Variants in RAPGEF1 observed in about 807,000 individuals in gnomAD.
RAPGEF1 encodes Rap guanine nucleotide exchange factor 1.
RAPGEF1 carries 33 observed loss-of-function variants against 143.3 expected under a neutral mutation model. The ratio of observed to expected loss-of-function variants is 0.23; its 90% CI spans 0.17 to 0.31. RAPGEF1 has a LOEUF of 0.31. RAPGEF1 is among the 10% of genes least tolerant of loss of function. The pLI, the probability that RAPGEF1 is intolerant of heterozygous loss-of-function variation, is 1.00. For missense variants in RAPGEF1, 1,199 were observed against 1,645.4 expected, an observed-to-expected ratio of 0.73 and a Z score of 4.69; for synonymous variants, 629 against 676.5, an observed-to-expected ratio of 0.93 and a Z score of 1.09.
Position 131,629,244 on chromosome 9 carries a change from G to C in RAPGEF1, c.751C>G (p.Leu251Val), listed in dbSNP as rs200382304. The change falls in exon 7 of 27, where the codon CTC becomes GTC. Residue 251 changes from leucine to valine, a missense_variant. Coordinates refer to ENST00000683357, the MANE Select transcript of RAPGEF1 (RefSeq NM_001377935.1). Reference sequence around the variant, plus strand: ...TCTACCTCGCGGTCTGTCAGGGGGAGCTCTGCTGGGCTGGAGAATTGGGAA... The same window carrying C: ...TCTACCTCGCGGTCTGTCAGGGGGACCTCTGCTGGGCTGGAGAATTGGGAA... ...PASKPDGPAE[L>V]PLTDREVEIL... is the part of the protein sequence containing the mutation. The C allele has an allele frequency of 3.2e-4, 509 of 1,613,356 alleles. No individual in the cohort carries two copies. Among genetic ancestry groups the C allele is most frequent in the Non-Finnish European group, 3.8e-4 (444 of 1,179,542 alleles).
At chr9:131,684,032 C>T (rs532082974) in intron 1 of RAPGEF1, among the ~76,000 whole-genome samples, 2 of 152,390 alleles carry the variant, frequency 1.3e-5, no homozygotes, top group African/African-American at 4.8e-5. Context: ...ATGCTAGACA[C>T]TTTCACAATT....
chr9:131,698,297 A>G (rs1834344600), intron 1 of RAPGEF1, among the ~76,000 whole-genome samples: 1 of 152,168 alleles, frequency 6.6e-6, no homozygotes, highest in Non-Finnish European at 1.5e-5. Flanking sequence ...CACTTGCAGG[A>G]AGGGAAAATA....
chr9:131,691,956 C>A (rs1297783323), intron 1 of RAPGEF1, among the ~76,000 whole-genome samples: 1 of 152,136 alleles, frequency 6.6e-6, no homozygotes, highest in African/African-American at 2.4e-5. Context: ...TATGTTTTCT[C>A]CCTACCTAAT....
intron 10 of RAPGEF1, 43 bp downstream of exon 10, chr9:131,625,879 G>A: frequency 6.6e-7 from 1 of 1,510,754 alleles, no homozygotes; most frequent in Non-Finnish European, 8.9e-7. Flanking sequence ...GCCATTTCAG[G>A]TTATAAAATG....
Position 131,579,378 on chromosome 9 carries a change from A to G in RAPGEF1, c.*119T>C. The G allele has an allele frequency of 7.2e-7, 1 of 1,387,752 alleles. No homozygotes were observed. Among genetic ancestry groups the G allele is most frequent in the Non-Finnish European group, 9.8e-7 (1 of 1,020,434 alleles). The allele number at this position is 1,387,752 out of a possible 1,614,324, so 86.0% of individuals were successfully genotyped here. ...CGCCCGGCCCCGCTGAGGGCTGGCC[A>G]GCCTCATGGCTCCGAGGCCGGGACT... On this transcript the variant is annotated 3_prime_UTR_variant, in exon 27 of 27. Transcript: ENST00000683357.
Position 131,655,533 on chromosome 9 carries a change from ACTTC to A in RAPGEF1, c.62-4588_62-4585del, listed in dbSNP as rs1972216899. Among the ~76,000 whole-genome samples, 1 of 152,096 alleles carries A rather than the reference ACTTC, an allele frequency of 6.6e-6. No homozygotes were observed. The highest frequency in any genetic ancestry group is 1.5e-5 in the Non-Finnish European group (1 of 68,010). On this transcript the variant is annotated intron_variant, in intron 1 of 26. Transcript: ENST00000683357. The surrounding 1 kb of genome is among the most constrained non-coding windows in gnomAD (Gnocchi z 4.1). ...AGGGTGGATCCCATTTACAGTTTAT[ACTTC>A]CTTCTTTATACTTCAACATGGATGT...
intron 1 of RAPGEF1, among the ~76,000 whole-genome samples, chr9:131,719,553 C>CTTTTTTTTTTTT (rs34413859): frequency 2.8e-5 from 2 of 72,410 alleles, no homozygotes; most frequent in African/African-American, 6.2e-5. Context: ...CCCTTCAGGG[C>CTTTTTTTTTTTT]TTTTTTTTTT....
At chr9:131,649,465 C>T (rs1015579755) in intron 3 of RAPGEF1, among the ~76,000 whole-genome samples, 4 of 152,152 alleles carry the variant, frequency 2.6e-5, no homozygotes, top group Admixed American at 6.5e-5. Flanking sequence ...CAGACTCTGA[C>T]GTCAGACAGC....
chr9:131,590,081 C>G, intron 18 of RAPGEF1, 103 bp from the exon 19 acceptor site: 1 of 1,014,352 alleles, frequency 9.9e-7, no homozygotes, highest in Non-Finnish European at 1.5e-6. Flanking sequence ...ATGTGCCCAT[C>G]TTCCTGCATG....
chr9:131,645,910 T>C (rs1459406332), intron 3 of RAPGEF1, among the ~76,000 whole-genome samples: 1 of 152,142 alleles, frequency 6.6e-6, no homozygotes, highest in Non-Finnish European at 1.5e-5. Flanking sequence ...GAGAATAACA[T>C]CTGCCCCGTG....
chr9:131,677,978 AGCT>A (rs1329006452), intron 1 of RAPGEF1, among the ~76,000 whole-genome samples: 9 of 152,256 alleles, frequency 5.9e-5, no homozygotes, highest in South Asian at 4.1e-4. Context: ...CAGGTCAACA[AGCT>A]CTTGTCTGCA....
intron 14 of RAPGEF1, among the ~76,000 whole-genome samples, chr9:131,603,678 C>T (rs1007325416): frequency 6.6e-6 from 1 of 152,164 alleles, no homozygotes; most frequent in African/African-American, 2.4e-5. Flanking sequence ...AGCCGGGGCC[C>T]GTGCCACGCT....
rs139524716 is a variant in RAPGEF1, at chr9:131,674,240, C to T, written c.62-23291G>A. Among the ~76,000 whole-genome samples the T allele has an allele frequency of 3.4e-3, 512 of 152,210 alleles. 1 individual carries two copies. Among genetic ancestry groups the T allele is most frequent in the African/African-American group, 0.012 (499 of 41,524 alleles). On this transcript the variant is annotated intron_variant, in intron 1 of 26. Transcript: ENST00000683357. ...TTTCATCAAAACAAAAATATTAGCA[C>T]AGAACTATGTGTCCTGAAGCTTGTT...
chr9:131,663,701 T>C (rs1829968178), intron 1 of RAPGEF1, among the ~76,000 whole-genome samples: 1 of 152,238 alleles, frequency 6.6e-6, no homozygotes, highest in South Asian at 2.1e-4. Flanking sequence ...CTGGGTGGTA[T>C]GTGCTTTCTA....
intron 1 of RAPGEF1, among the ~76,000 whole-genome samples, chr9:131,735,237 G>T (rs1285365548): frequency 6.6e-6 from 1 of 152,172 alleles, no homozygotes; most frequent in Non-Finnish European, 1.5e-5. Flanking sequence ...GACTGAAACT[G>T]ACACATGCAG....
At chr9:131,589,112 A>T in intron 19 of RAPGEF1, 126 bp from the exon 20 acceptor site, 1 of 888,212 alleles carries the variant, frequency 1.1e-6, no homozygotes, top group East Asian at 2.7e-5. Context: ...GAAATTTCTC[A>T]TGGGAAGAGA....
intron 16 of RAPGEF1, 135 bp from the exon 17 acceptor site, chr9:131,596,508 C>T (rs1324185979): frequency 7.9e-6 from 7 of 885,622 alleles, no homozygotes; most frequent in Non-Finnish European, 1.1e-5. Context: ...TGCTCCTCGG[C>T]CCAGGAGCAG....
chr9:131,617,813 T>C (rs1204119893), intron 12 of RAPGEF1, among the ~76,000 whole-genome samples: 2 of 152,132 alleles, frequency 1.3e-5, no homozygotes, highest in Middle Eastern at 3.2e-3. Flanking sequence ...GGGGGGAGAA[T>C]TGCACTGCCC....
At chr9:131,668,355 T>C (rs567655853) in intron 1 of RAPGEF1, among the ~76,000 whole-genome samples, 3 of 152,370 alleles carry the variant, frequency 2.0e-5, no homozygotes, top group South Asian at 2.1e-4. Context: ...TATTAAAATT[T>C]AGATTTTTAA....
Sources: allele counts gnomAD v4.1 joint callset (sites outside exome capture counted in the v4.1 genomes callset), GRCh38; gene constraint gnomAD v4.1.1; non-coding constraint Gnocchi (gnomAD v3.1); transcripts MANE v1.5; gene names NCBI Gene and HGNC (gene_info 2026-07-23, HGNC 2026-07-21).